The following PABIR3 variants were observed in gnomAD, a reference collection of about 807,000 sequenced individuals.
The protein encoded by PABIR3 is PABIR family member 3, also known as PABIR family member 1.
A neutral mutation model predicts 23.1 loss-of-function variants in PABIR3; 20 were observed. The observed-to-expected ratio is 0.86, with a 90% confidence interval of 0.61 to 1.26. PABIR3 has a LOEUF of 1.26. PABIR3 is among the 50% of genes most tolerant of loss of function. PABIR3 has a pLI of 0.00. For missense variants in PABIR3, 189 were observed against 195.4 expected (o/e 0.97, Z 0.20); for synonymous variants, 69 against 68.5 (o/e 1.01, Z -0.04).
At chrX:134,833,959 A>G (rs1257964501) in intron 4 of PABIR3, 1 of 112,083 alleles carries the variant, frequency 8.9e-6, no homozygotes, top group South Asian at 3.7e-4. Context: ...GCTATTGTAA[A>G]TAGTACTGCA....
intron 9 of PABIR3, among the ~76,000 whole-genome samples, chrX:134,850,332 C>A (rs60246038): frequency 1.8e-5 from 2 of 110,732 alleles, no homozygotes; most frequent in Non-Finnish European, 3.8e-5. Flanking sequence ...TGTATATTTT[C>A]GATTAATTAA....
chrX:134,845,241 T>C lies in PABIR3; in HGVS notation c.283T>C (p.Ser95Pro). 1 of 1,193,496 alleles carries C rather than the reference T, an allele frequency of 8.4e-7. No homozygotes were observed. The highest frequency in any genetic ancestry group is 1.1e-6 in the Non-Finnish European group (1 of 884,353). Residue 95 changes from serine to proline, a missense_variant, in exon 5 of 11, where the codon TCT becomes CCT. Physicochemically the swap from Ser to Pro is moderately conservative, Grantham distance 74. Coordinates refer to ENST00000645433, the MANE Select transcript of PABIR3 (RefSeq NM_001388447.1). ...AMDLINRETM[S>P]EWKLQSEIQI... The stretch of plus-strand genomic sequence containing the variant: ...GGATTTAATAAATAGAGAAACAATG[T>C]CTGAATGGTGAGTACTGTACTTTGA...
upstream of PABIR3, among the ~76,000 whole-genome samples, chrX:134,803,548 T>G (rs1455597165): frequency 2.7e-5 from 3 of 112,699 alleles, no homozygotes; most frequent in Non-Finnish European, 5.6e-5. Flanking sequence ...TATTCCTCAC[T>G]GTTTATGCTT....
At chrX:134,835,620 T>C (rs902020285) in intron 4 of PABIR3, 2 of 111,598 alleles carry the variant, frequency 1.8e-5, no homozygotes, top group African/African-American at 6.5e-5. Flanking sequence ...ATAGGAATTA[T>C]TTTGTGTAAT....
chrX:134,849,088 A>C (rs1443132816), intron 8 of PABIR3, 79 bp from the exon 9 acceptor site: 10 of 396,216 alleles, frequency 2.5e-5, no homozygotes, highest in Non-Finnish European at 3.8e-5. Context: ...GTATGTCCTT[A>C]GATCTGTTAT....
chrX:134,808,201 T>C, intron 2 of PABIR3: 2 of 294,788 alleles, frequency 6.8e-6, no homozygotes, highest in Non-Finnish European at 1.2e-5. Flanking sequence ...TTTTTTTGTC[T>C]TTTTTTGAGA....
chrX:134,816,074 A>G (rs73568771), intron 3 of PABIR3, among the ~76,000 whole-genome samples: 1,423 of 112,223 alleles, frequency 0.013, 23 homozygotes, highest in African/African-American at 0.045. Flanking sequence ...CACCTTGTTC[A>G]ATTAATATGG....
rs149687643 is a variant in PABIR3, at chrX:134,829,209, T to C, written c.190-17T>C. 263 of 1,192,980 alleles carry C rather than the reference T, an allele frequency of 2.2e-4. No homozygotes were observed. In the African/African-American group the frequency reaches 3.9e-3, roughly 18 times the overall value. ...CAAACATTAAAGCAAGCTTGACTTC[T>C]ATATTTTAAATTTCAGTTGTTGCCA... On this transcript the variant is annotated splice_polypyrimidine_tract_variant and intron_variant, in intron 3 of 10. Transcript: ENST00000645433.
chrX:134,841,406 A>G (rs2054342077), intron 4 of PABIR3, among the ~76,000 whole-genome samples: 1 of 112,172 alleles, frequency 8.9e-6, no homozygotes, highest in South Asian at 3.7e-4. Flanking sequence ...ACATGCCTCC[A>G]ACATAGGTAC....
intron 3 of PABIR3, among the ~76,000 whole-genome samples, chrX:134,816,406 T>C (rs1006584853): frequency 8.9e-6 from 1 of 112,523 alleles, no homozygotes; most frequent in Admixed American, 9.4e-5. Context: ...CTGCAATCTC[T>C]GCCTCCCGGG....
At chrX:134,798,017 C>T (rs1436702821) in intron 1 of PABIR3, among the ~76,000 whole-genome samples, 2 of 111,011 alleles carry the variant, frequency 1.8e-5, no homozygotes, top group African/African-American at 6.6e-5. Context: ...GACGGGGTTT[C>T]GCCATGTTGG....
At chrX:134,830,684 T>G (rs745854005) in intron 4 of PABIR3, among the ~76,000 whole-genome samples, 1 of 110,973 alleles carries the variant, frequency 9.0e-6, no homozygotes, top group Non-Finnish European at 1.9e-5. Context: ...TGTCTTTGTA[T>G]GTAGCTATTT....
chrX:134,804,654 A>G (rs1246091279), upstream of PABIR3, among the ~76,000 whole-genome samples: 1 of 112,631 alleles, frequency 8.9e-6, no homozygotes, highest in Non-Finnish European at 1.9e-5. Context: ...TTGTCTATTT[A>G]TTCAAAATAT....
chrX:134,860,281 G>T, the PABIR3 span, among the ~76,000 whole-genome samples: 1 of 110,880 alleles, frequency 9.0e-6, no homozygotes, highest in Non-Finnish European at 1.9e-5. Flanking sequence ...TAGAGACAGG[G>T]TTTCTCCATG....
At chrX:134,812,118 T>A (rs1010966792) in intron 2 of PABIR3, among the ~76,000 whole-genome samples, 10 of 112,708 alleles carry the variant, frequency 8.9e-5, no homozygotes, top group African/African-American at 3.2e-4. Flanking sequence ...TTATACTACT[T>A]CTGCTTTTTC....
At chrX:134,820,897 C>T (rs762587549) in intron 3 of PABIR3, among the ~76,000 whole-genome samples, 1 of 108,301 alleles carries the variant, frequency 9.2e-6, no homozygotes, top group Non-Finnish European at 1.9e-5. Context: ...TGGCACGCGC[C>T]TGTAATCCCA....
chrX:134,863,686 G>T, the PABIR3 span, among the ~76,000 whole-genome samples: 1 of 111,601 alleles, frequency 9.0e-6, no homozygotes, highest in Non-Finnish European at 1.9e-5. Context: ...GTGATGTGTA[G>T]AATATCATTT....
intron 2 of PABIR3, chrX:134,809,765 G>A (rs763445836): frequency 1.3e-6 from 1 of 742,027 alleles, no homozygotes; most frequent in African/African-American, 2.3e-5. Context: ...AGGAAGCTCT[G>A]TTTCCTGACT....
chrX:134,835,187 A>T (rs2081934078), intron 4 of PABIR3: 1 of 108,990 alleles, frequency 9.2e-6, no homozygotes, highest in African/African-American at 3.3e-5. Flanking sequence ...CAGCCTCCCG[A>T]GTAGCTGGGA....
Sources: gnomAD v4.1 joint callset for allele counts (sites outside exome capture counted in the v4.1 genomes callset) on GRCh38, gnomAD v4.1.1 for gene constraint, MANE v1.5 for transcripts, NCBI Gene and HGNC (gene_info 2026-07-23, HGNC 2026-07-21) for gene names.